The following TAFA1 variants were observed in gnomAD, a reference collection of about 807,000 sequenced individuals.
TAFA1 encodes chemokine-like protein TAFA-1.
A neutral mutation model predicts 18.5 loss-of-function variants in TAFA1; 4 were observed. The observed-to-expected ratio is 0.22, with a 90% CI of 0.11 to 0.49. The LOEUF is 0.49. Ranked by LOEUF, TAFA1 falls within the 20% of genes least tolerant of loss-of-function variation. The pLI is 0.98. For missense variants in TAFA1, 147 were observed against 169.0 expected (o/e 0.87, Z 0.72); for synonymous variants, 56 against 55.2 (o/e 1.01, Z -0.06).
At chr3:68,006,437 A>T in intron 1 of TAFA1, 187 bp from the exon 2 acceptor site, 1 of 549,486 alleles carries the variant, frequency 1.8e-6, no homozygotes. Flanking sequence ...AAATGAATGT[A>T]TGATCATCTG....
chr3:68,392,963 A>G (rs1206195360), intron 2 of TAFA1, among the ~76,000 whole-genome samples: 1 of 152,210 alleles, frequency 6.6e-6, no homozygotes, highest in African/African-American at 2.4e-5. Flanking sequence ...AAGCAAGAGC[A>G]AACAAATTCA....
At chr3:68,254,936 A>G (rs938560866) in intron 2 of TAFA1, among the ~76,000 whole-genome samples, 4 of 152,152 alleles carry the variant, frequency 2.6e-5, no homozygotes, top group African/African-American at 9.7e-5. Context: ...TCTGCCCAAA[A>G]AACTAGCTTT....
At chr3:68,092,612 A>C (rs1021598050) in intron 2 of TAFA1, among the ~76,000 whole-genome samples, 3 of 152,164 alleles carry the variant, frequency 2.0e-5, no homozygotes, top group African/African-American at 7.2e-5. Flanking sequence ...CTTCCATCTC[A>C]GGTAAATCTT....
At chr3:68,214,946 G>A (rs1312586393) in intron 2 of TAFA1, among the ~76,000 whole-genome samples, 2 of 151,924 alleles carry the variant, frequency 1.3e-5, no homozygotes, top group Non-Finnish European at 2.9e-5. Flanking sequence ...AAAGAAAGTT[G>A]CACTTTTGCT....
At chr3:68,120,229 CT>C (rs1240229386) in intron 2 of TAFA1, among the ~76,000 whole-genome samples, 1 of 120,956 alleles carries the variant, frequency 8.3e-6, no homozygotes, top group Non-Finnish European at 1.7e-5. Flanking sequence ...TTCTTTCTTT[CT>C]TTCTTTCTTT....
intron 3 of TAFA1, among the ~76,000 whole-genome samples, chr3:68,429,857 T>A (rs891687896): frequency 2.0e-5 from 3 of 151,890 alleles, no homozygotes; most frequent in Non-Finnish European, 4.4e-5. Flanking sequence ...CACCTGTGAG[T>A]CCTTGGAACA....
chr3:68,529,985 G>C (rs917341921), intron 3 of TAFA1, among the ~76,000 whole-genome samples: 1 of 152,126 alleles, frequency 6.6e-6, no homozygotes, highest in African/African-American at 2.4e-5. Context: ...TTTACTAGGG[G>C]AAGAGCACTT....
intron 2 of TAFA1, among the ~76,000 whole-genome samples, chr3:68,150,842 A>T (rs2065798687): frequency 6.6e-6 from 1 of 152,194 alleles, no homozygotes; most frequent in Non-Finnish European, 1.5e-5. Flanking sequence ...CAGTAAAACC[A>T]TAATAAGAAA....
At chr3:68,143,907 G>A (rs1020266643) in intron 2 of TAFA1, among the ~76,000 whole-genome samples, 5 of 151,876 alleles carry the variant, frequency 3.3e-5, no homozygotes, top group South Asian at 2.1e-4. Flanking sequence ...CCCTGTCCCC[G>A]TGGACCCTCA....
chr3:68,003,240 T>C (rs887734887), upstream of TAFA1, among the ~76,000 whole-genome samples: 12 of 152,234 alleles, frequency 7.9e-5, no homozygotes, highest in Admixed American at 3.3e-4. Flanking sequence ...TCTCTCACTG[T>C]GTGTAACATG....
At chr3:68,393,378 G>GAAA (rs201653683) in intron 2 of TAFA1, among the ~76,000 whole-genome samples, 3,019 of 130,316 alleles carry the variant, frequency 0.023, 44 homozygotes, top group East Asian at 0.097. Context: ...CCTACCAATG[G>GAAA]AAAAAAAAAA....
chr3:68,459,704 G>C (rs751995532), intron 3 of TAFA1, among the ~76,000 whole-genome samples: 1 of 152,152 alleles, frequency 6.6e-6, no homozygotes, highest in Non-Finnish European at 1.5e-5. Flanking sequence ...AGAGCTCATT[G>C]CCACCTTTTC....
chr3:68,372,786 T>A (rs961821226), intron 2 of TAFA1, among the ~76,000 whole-genome samples: 2 of 151,284 alleles, frequency 1.3e-5, no homozygotes, highest in Non-Finnish European at 2.9e-5. Context: ...CATTTAGCAC[T>A]AAGAAAAAAA....
chr3:68,080,474 G>A (rs1194626873), intron 2 of TAFA1, among the ~76,000 whole-genome samples: 3 of 152,168 alleles, frequency 2.0e-5, no homozygotes, highest in Non-Finnish European at 4.4e-5. Flanking sequence ...TCCATGTTTA[G>A]CGCTTCCTTC....
intron 2 of TAFA1, among the ~76,000 whole-genome samples, chr3:68,405,326 T>C (rs1052599068): frequency 6.6e-5 from 10 of 151,792 alleles, no homozygotes; most frequent in Admixed American, 2.6e-4. Context: ...TAAAGAAACA[T>C]AGAACAAAAA....
intron 2 of TAFA1, among the ~76,000 whole-genome samples, chr3:68,320,820 G>T (rs926511701): frequency 6.6e-6 from 1 of 152,300 alleles, no homozygotes; most frequent in Non-Finnish European, 1.5e-5. Context: ...AGAATAGGCT[G>T]CACCCCAGAG....
At chr3:68,454,921 A>C (rs1024934482) in intron 3 of TAFA1, among the ~76,000 whole-genome samples, 4 of 151,898 alleles carry the variant, frequency 2.6e-5, no homozygotes, top group Admixed American at 1.3e-4. Context: ...TAGGAGCACC[A>C]ATCCCCTAGA....
intron 2 of TAFA1, among the ~76,000 whole-genome samples, chr3:68,282,616 A>C (rs376099796): frequency 6.6e-6 from 1 of 152,202 alleles, no homozygotes; most frequent in Non-Finnish European, 1.5e-5. Flanking sequence ...GGTACAATCC[A>C]GGGAGTGTGT....
At chr3:68,096,980 C>T (rs544804701) in intron 2 of TAFA1, among the ~76,000 whole-genome samples, 82 of 152,222 alleles carry the variant, frequency 5.4e-4, no homozygotes, top group Non-Finnish European at 8.8e-4. Flanking sequence ...AAAATGGTAT[C>T]TGGGGCCTGA....
Sources: gnomAD v4.1 joint callset for allele counts (sites outside exome capture counted in the v4.1 genomes callset) on GRCh38, gnomAD v4.1.1 for gene constraint, MANE v1.5 for transcripts, NCBI Gene and HGNC (gene_info 2026-07-23, HGNC 2026-07-21) for gene names.